ADGRL3: variants seen among roughly 807,000 people sequenced by gnomAD.
ADGRL3 encodes the protein calcium-independent alpha-latrotoxin receptor 3.
ADGRL3 carries 62 observed loss-of-function variants against 153.5 expected under a neutral mutation model. The ratio of observed to expected loss-of-function variants is 0.40; its 90% CI spans 0.33 to 0.50. The LOEUF (loss-of-function observed/expected upper bound fraction) is 0.50, where lower values mean the gene tolerates loss of function less well. Among genes scored for constraint, ADGRL3 ranks in the 20% least tolerant of loss-of-function variants. The pLI, the probability that ADGRL3 is intolerant of heterozygous loss-of-function variation, is 0.47. For synonymous variants in ADGRL3, 710 were observed against 672.5 expected (o/e 1.06, Z -0.86); for missense variants, 1,641 against 1,859.4 (o/e 0.88, Z 2.16).
At chr4:61,637,443 C>T (rs1378406463) in intron 5 of ADGRL3, among the ~76,000 whole-genome samples, 2 of 152,054 alleles carry the variant, frequency 1.3e-5, no homozygotes, top group African/African-American at 2.4e-5. Flanking sequence ...TACAGCAGCT[C>T]TAGGAAACTA....
chr4:61,256,567 AT>A (rs1320876498), intron 1 of ADGRL3, among the ~76,000 whole-genome samples: 3 of 152,108 alleles, frequency 2.0e-5, no homozygotes, highest in Non-Finnish European at 4.4e-5. Flanking sequence ...ATTTTCGGAG[AT>A]TAGCATCTGT....
intron 9 of ADGRL3, among the ~76,000 whole-genome samples, chr4:61,849,434 G>T (rs2098175111): frequency 6.6e-6 from 1 of 152,054 alleles, no homozygotes; most frequent in Non-Finnish European, 1.5e-5. Context: ...CATTAGGATG[G>T]ATTCCAATAT....
At chr4:61,836,777 G>T (rs1423142103) in intron 9 of ADGRL3, among the ~76,000 whole-genome samples, 1 of 151,964 alleles carries the variant, frequency 6.6e-6, no homozygotes, top group African/African-American at 2.4e-5. Context: ...TTGATAAATG[G>T]TTTCCATTTA....
chr4:61,347,152 A>G (rs781403050), intron 1 of ADGRL3, among the ~76,000 whole-genome samples: 38 of 152,264 alleles, frequency 2.5e-4, no homozygotes, highest in South Asian at 1.0e-3. Context: ...TCTTCACTGA[A>G]TGTGAAACTT....
chr4:61,397,156 A>G (rs138482064), intron 2 of ADGRL3, among the ~76,000 whole-genome samples: 120 of 152,040 alleles, frequency 7.9e-4, no homozygotes, highest in Non-Finnish European at 1.4e-3. Context: ...TTGTTACCAA[A>G]TTATATAAAG....
chr4:61,298,724 T>A (rs575760432), intron 1 of ADGRL3, among the ~76,000 whole-genome samples: 1 of 152,286 alleles, frequency 6.6e-6, no homozygotes, highest in Admixed American at 6.5e-5. Flanking sequence ...AGTTAAAAAA[T>A]TAATTACTTA....
chr4:61,266,138 C>G (rs1346308899), intron 1 of ADGRL3, among the ~76,000 whole-genome samples: 1 of 151,732 alleles, frequency 6.6e-6, no homozygotes, highest in South Asian at 2.1e-4. Flanking sequence ...AACAATGATT[C>G]CATTTTCAGA....
At chr4:61,484,981 A>G (rs2098173680) in intron 2 of ADGRL3, among the ~76,000 whole-genome samples, 1 of 152,220 alleles carries the variant, frequency 6.6e-6, no homozygotes, top group South Asian at 2.1e-4. Flanking sequence ...TTTCAAAACC[A>G]TAAATATGTA....
chr4:61,999,435 A>G (rs942901720), intron 21 of ADGRL3, among the ~76,000 whole-genome samples: 5 of 152,238 alleles, frequency 3.3e-5, no homozygotes, highest in African/African-American at 4.8e-5. Context: ...TGGAATGTAT[A>G]ATATTTTAGA....
At chr4:61,708,871 C>T (rs190637597) in intron 6 of ADGRL3, among the ~76,000 whole-genome samples, 1,864 of 151,836 alleles carry the variant, frequency 0.012, 16 homozygotes, top group Non-Finnish European at 0.02. Flanking sequence ...GTACAGTGGC[C>T]GTGATCTTGG....
chr4:61,743,664 G>A (rs2096612734), intron 8 of ADGRL3, among the ~76,000 whole-genome samples: 1 of 152,182 alleles, frequency 6.6e-6, no homozygotes. Flanking sequence ...AGCCCACTGA[G>A]GGCCATGGGT....
chr4:61,306,076 A>G (rs1224093687), intron 1 of ADGRL3, among the ~76,000 whole-genome samples: 1 of 151,712 alleles, frequency 6.6e-6, no homozygotes, highest in Non-Finnish European at 1.5e-5. Flanking sequence ...GGATGAACTT[A>G]TTTATTTATT....
At chr4:61,523,527 C>A (rs1047443352) in intron 4 of ADGRL3, among the ~76,000 whole-genome samples, 1 of 152,016 alleles carries the variant, frequency 6.6e-6, no homozygotes, top group Admixed American at 6.6e-5. Context: ...ACGTTCTTTG[C>A]ACATCACTGT....
At chr4:61,467,551 A>G (rs190525206) in intron 2 of ADGRL3, among the ~76,000 whole-genome samples, 2 of 152,072 alleles carry the variant, frequency 1.3e-5, no homozygotes, top group South Asian at 2.1e-4. Context: ...TGAGACAGAT[A>G]TAGATGAAAA....
In ADGRL3 at chr4:61,857,239, A is replaced by C. The variant is rs2098285068; in HGVS notation, c.1481-35417A>C. ...GAGCCACTGTGTCTGGCCCCTGCTA[A>C]TTTCTTAATCATGCTGGGAGTAGAG... On this transcript the variant is annotated intron_variant, in intron 9 of 26. Transcript: ENST00000683033. 4.6e-5 allele frequency among the ~76,000 whole-genome samples: 7 copies of C among 151,918 alleles called. No individual in the cohort carries two copies. The South Asian group carries it at 1.5e-3, about 32-fold the overall frequency.
At chr4:61,344,141 T>C (rs1433595594) in intron 1 of ADGRL3, among the ~76,000 whole-genome samples, 1 of 152,202 alleles carries the variant, frequency 6.6e-6, no homozygotes, top group Non-Finnish European at 1.5e-5. Context: ...GAGAAACAAT[T>C]GCTATGATTT....
chr4:61,853,595 A>G (rs2098232057), intron 9 of ADGRL3, among the ~76,000 whole-genome samples: 1 of 152,172 alleles, frequency 6.6e-6, no homozygotes, highest in Non-Finnish European at 1.5e-5. Flanking sequence ...AGTTATGTTG[A>G]AGAACATTTC....
At chr4:62,026,357 A>G (rs1372503405) in intron 21 of ADGRL3, among the ~76,000 whole-genome samples, 2 of 152,014 alleles carry the variant, frequency 1.3e-5, no homozygotes, top group African/African-American at 2.4e-5. Flanking sequence ...CCTTTAATTG[A>G]CAACACCCAG....
intron 1 of ADGRL3, among the ~76,000 whole-genome samples, chr4:61,229,761 G>T (rs1244718175): frequency 2.0e-5 from 3 of 151,950 alleles, no homozygotes; most frequent in African/African-American, 4.8e-5. Context: ...TAAAAAATTA[G>T]CTCTGTGTGG....
Sources: gnomAD v4.1 joint callset for allele counts (sites outside exome capture counted in the v4.1 genomes callset) on GRCh38, gnomAD v4.1.1 for gene constraint, MANE v1.5 for transcripts, NCBI Gene and HGNC (gene_info 2026-07-23, HGNC 2026-07-21) for gene names.